The following DYSF variants were observed in gnomAD, a reference collection of about 807,000 sequenced individuals.
DYSF encodes the protein dystrophy-associated fer-1-like 1.
Under a neutral mutation model 274.9 loss-of-function variants are expected in DYSF, and 212 were observed. The ratio of observed to expected loss-of-function variants is 0.77; its 90% CI spans 0.69 to 0.86. The LOEUF (loss-of-function observed/expected upper bound fraction) is 0.86. Ranked by LOEUF, DYSF falls within the 40% of genes least tolerant of loss-of-function variation. DYSF has a pLI of 0.00. For synonymous variants in DYSF, 1,091 were observed against 1,078.7 expected, an observed-to-expected ratio of 1.01 and a Z score of -0.22; for missense variants, 2,666 against 2,783.2, an observed-to-expected ratio of 0.96 and a Z score of 0.95.
chr2:71,484,586 T>G (rs1286629612), intron 3 of DYSF, among the ~76,000 whole-genome samples: 1 of 152,220 alleles, frequency 6.6e-6, no homozygotes, highest in Non-Finnish European at 1.5e-5. Flanking sequence ...GTCACCCTAT[T>G]GTGCTAGGGA....
intron 55 of DYSF, among the ~76,000 whole-genome samples, chr2:71,683,569 G>A (rs1404130037): frequency 6.6e-6 from 1 of 152,250 alleles, no homozygotes; most frequent in African/African-American, 2.4e-5. Context: ...TGGAGAGAAT[G>A]GTGTAATCCA....
chr2:71,463,342 C>A (rs80255579), upstream of DYSF, among the ~76,000 whole-genome samples: 5,137 of 152,292 alleles, frequency 0.034, 166 homozygotes, highest in African/African-American at 0.082. Context: ...AGAGATGGGG[C>A]GAAGGCACTT....
intron 4 of DYSF, among the ~76,000 whole-genome samples, chr2:71,510,200 A>G (rs1028736639): frequency 1.3e-5 from 2 of 152,204 alleles, no homozygotes; most frequent in African/African-American, 4.8e-5. Flanking sequence ...TTCTCCAAAG[A>G]GCCCAACTTA....
At chr2:71,519,092 CAAAAAAAAA>C (rs70959240) in intron 10 of DYSF, among the ~76,000 whole-genome samples, 6,105 of 59,668 alleles carry the variant, frequency 0.1, 182 homozygotes, top group African/African-American at 0.17. Flanking sequence ...CACTCCATCT[CAAAAAAAAA>C]AAAAAAAAAA....
At chr2:71,624,466 T>TAAAAGGGGG (rs1312815549) in intron 41 of DYSF, among the ~76,000 whole-genome samples, 6 of 152,250 alleles carry the variant, frequency 3.9e-5, no homozygotes, top group Non-Finnish European at 8.8e-5. Context: ...TAAAAGGCTT[T>TAAAAGGGGG]TCAGGTGTAC....
Position 71,610,284 on chromosome 2 carries a change from G to T in DYSF, c.3958-961G>T, listed in dbSNP as rs115048742. 2.4e-3 allele frequency among the ~76,000 whole-genome samples: 371 copies of T among 152,300 alleles called. 1 individual carries two copies. Among genetic ancestry groups the T allele is most frequent in the African/African-American group, 8.3e-3 (344 of 41,540 alleles). ...TGAAGGTTTACATGAAGCTCTAAAGGTTATACAGGTATTAACTTCCTCAAC... is the reference window on the plus strand; with the variant it reads ...TGAAGGTTTACATGAAGCTCTAAAGTTTATACAGGTATTAACTTCCTCAAC... On this transcript the variant is annotated intron_variant, in intron 36 of 55. Coordinates refer to ENST00000410020, the MANE Select transcript of DYSF (RefSeq NM_001130987.2).
intron 3 of DYSF, among the ~76,000 whole-genome samples, chr2:71,492,926 G>A (rs2152699961): frequency 6.6e-6 from 1 of 152,224 alleles, no homozygotes; most frequent in East Asian, 1.9e-4. Context: ...CTGTTGTCCA[G>A]GCTGGAGTGC....
chr2:71,518,973 A>G (rs1303231779), intron 10 of DYSF, among the ~76,000 whole-genome samples: 1 of 151,686 alleles, frequency 6.6e-6, no homozygotes, highest in Non-Finnish European at 1.5e-5. Flanking sequence ...TGCGCCTGTA[A>G]TCCCAGCTAC....
intron 17 of DYSF, 47 bp downstream of exon 17, chr2:71,539,286 CG>C: frequency 2.0e-6 from 3 of 1,517,784 alleles, no homozygotes; most frequent in Non-Finnish European, 2.7e-6. Flanking sequence ...TGCTCTCCCC[CG>C]TACCCCCTCT....
chr2:71,554,072 CTG>C (rs1293220617), intron 21 of DYSF, 141 bp downstream of exon 21: 2 of 1,317,912 alleles, frequency 1.5e-6, no homozygotes, highest in East Asian at 4.7e-5. Flanking sequence ...TTGGTGTCCT[CTG>C]TGCCTTGGCA....
chr2:71,665,371 C>T, intron 47 of DYSF, 67 bp downstream of exon 47: 1 of 1,606,408 alleles, frequency 6.2e-7, no homozygotes, highest in Non-Finnish European at 8.5e-7. Context: ...TCATCAGACC[C>T]TCTGCTACCA....
At chr2:71,517,132 G>A in intron 10 of DYSF, 93 bp downstream of exon 10, 1 of 1,182,142 alleles carries the variant, frequency 8.5e-7, no homozygotes, top group Non-Finnish European at 1.3e-6. Flanking sequence ...CAGAGATCCT[G>A]TGTTTCTCTG....
chr2:71,519,300 T>A (rs1339935414), intron 10 of DYSF, among the ~76,000 whole-genome samples: 2 of 152,078 alleles, frequency 1.3e-5, no homozygotes, highest in Non-Finnish European at 2.9e-5. Flanking sequence ...ACAAATTAAA[T>A]CTTAATTATG....
At chr2:71,570,547 G>T in intron 28 of DYSF, 52 bp from the exon 29 acceptor site, 1 of 1,606,082 alleles carries the variant, frequency 6.2e-7, no homozygotes, top group Non-Finnish European at 8.5e-7. Flanking sequence ...ATGGTCCCAG[G>T]AGAGATGGGG....
At chr2:71,685,264 T>C (rs2095343174) in intron 55 of DYSF, among the ~76,000 whole-genome samples, 1 of 152,212 alleles carries the variant, frequency 6.6e-6, no homozygotes, top group Admixed American at 6.5e-5. Flanking sequence ...CACTCTCCTT[T>C]GAGTTCTTCT....
chr2:71,661,116 C>CAAA (rs55761719), intron 45 of DYSF, among the ~76,000 whole-genome samples: 51 of 85,704 alleles, frequency 6.0e-4, no homozygotes, highest in South Asian at 1.6e-3. Context: ...AACCCTGTCT[C>CAAA]AAAAAAAAAA....
chr2:71,586,815 AG>A (rs2093083098), intron 30 of DYSF, among the ~76,000 whole-genome samples: 1 of 151,938 alleles, frequency 6.6e-6, no homozygotes, highest in African/African-American at 2.4e-5. Flanking sequence ...CTGGAGCCGG[AG>A]GCGCCTCCCT....
chr2:71,670,052 C>T (rs1455218323), intron 51 of DYSF, among the ~76,000 whole-genome samples: 1 of 152,196 alleles, frequency 6.6e-6, no homozygotes, highest in East Asian at 1.9e-4. Context: ...ATGTCACCAC[C>T]ACTGTTCTGT....
At chr2:71,605,121 C>T (rs185901953) in intron 36 of DYSF, among the ~76,000 whole-genome samples, 40 of 152,266 alleles carry the variant, frequency 2.6e-4, no homozygotes, top group African/African-American at 8.4e-4. Flanking sequence ...TTTCGCTCTC[C>T]GGTCTGCATT....
Sources: allele counts gnomAD v4.1 joint callset (sites outside exome capture counted in the v4.1 genomes callset), GRCh38; gene constraint gnomAD v4.1.1; transcripts MANE v1.5; gene names NCBI Gene and HGNC (gene_info 2026-07-23, HGNC 2026-07-21).